Variants in DUSP11 observed in about 807,000 individuals in gnomAD.
DUSP11 encodes the protein RNA/RNP complex-1-interacting phosphatase.
In DUSP11, 27 loss-of-function variants were observed where a neutral mutation model predicts 41.4. That is an observed-to-expected ratio of 0.65 (90% confidence interval 0.48 to 0.90). The LOEUF (loss-of-function observed/expected upper bound fraction) is 0.90. DUSP11 is among the 40% of genes least tolerant of loss of function. DUSP11 has a pLI of 0.00. For synonymous variants in DUSP11, 188 were observed against 159.3 expected, an observed-to-expected ratio of 1.18 and a Z score of -1.35; for missense variants, 465 against 461.1, an observed-to-expected ratio of 1.01 and a Z score of -0.08.
At chr2:73,769,190 T>C in intron 5 of DUSP11, 75 bp downstream of exon 5, 1 of 1,340,288 alleles carries the variant, frequency 7.5e-7, no homozygotes, top group South Asian at 1.3e-5. Context: ...AGTTCCATTT[T>C]TTACAACCTT....
At chr2:73,771,211 G>A (rs1043475061) in intron 4 of DUSP11, among the ~76,000 whole-genome samples, 6 of 152,146 alleles carry the variant, frequency 3.9e-5, no homozygotes, top group Non-Finnish European at 8.8e-5. Context: ...CCACTTTCTA[G>A]AAAAGTGACT....
intron 6 of DUSP11, 88 bp from the exon 7 acceptor site, chr2:73,766,991 G>C: frequency 7.7e-7 from 1 of 1,301,542 alleles, no homozygotes; most frequent in Non-Finnish European, 1.1e-6. Context: ...CACTATTCAA[G>C]CTGTTATATC....
At chr2:73,773,639 C>T in intron 4 of DUSP11, 161 bp downstream of exon 4, 1 of 712,818 alleles carries the variant, frequency 1.4e-6, no homozygotes, top group Non-Finnish European at 2.3e-6. Flanking sequence ...TTGTGATCAA[C>T]AAAAGGAAAA....
intron 8 of DUSP11, among the ~76,000 whole-genome samples, chr2:73,764,273 A>G (rs77206015): frequency 6.6e-6 from 1 of 152,102 alleles, no homozygotes; most frequent in Non-Finnish European, 1.5e-5. Flanking sequence ...ATCTTTTAAA[A>G]ATGTCAATTT....
At chr2:73,769,346 G>T in intron 4 of DUSP11, 21 bp from the exon 5 acceptor site, 1 of 1,554,340 alleles carries the variant, frequency 6.4e-7, no homozygotes, top group Admixed American at 1.7e-5. Context: ...AAAATACAGG[G>T]TTAAGTAACT....
chr2:73,777,495 G>A (rs1672708821), intron 2 of DUSP11, among the ~76,000 whole-genome samples: 1 of 152,164 alleles, frequency 6.6e-6, no homozygotes, highest in South Asian at 2.1e-4. Context: ...TTTTATGGCT[G>A]TCAAAAGCTT....
chr2:73,762,399 G>A, exon 9 of DUSP11: 2 of 262,344 alleles, frequency 7.6e-6, no homozygotes, highest in Non-Finnish European at 1.4e-5. Flanking sequence ...AATTTGCAAG[G>A]GAAGTTCTCA....
intron 4 of DUSP11, among the ~76,000 whole-genome samples, chr2:73,772,306 A>C (rs1049068179): frequency 4.6e-5 from 7 of 152,238 alleles, no homozygotes; most frequent in African/African-American, 1.7e-4. Flanking sequence ...AAGCGAGTGG[A>C]GAGTGTAGTG....
intron 2 of DUSP11, among the ~76,000 whole-genome samples, chr2:73,776,377 T>G (rs892942055): frequency 2.2e-5 from 3 of 137,748 alleles, no homozygotes; most frequent in African/African-American, 8.2e-5. Context: ...ATCACACCAC[T>G]GCACTCCAGC....
At chr2:73,769,495 A>G (rs1053148455) in intron 4 of DUSP11, among the ~76,000 whole-genome samples, 170 bp from the exon 5 acceptor site, 1 of 152,244 alleles carries the variant, frequency 6.6e-6, no homozygotes, top group Non-Finnish European at 1.5e-5. Flanking sequence ...GAAACTTTGC[A>G]TAGTCCCAAT....
intron 8 of DUSP11, among the ~76,000 whole-genome samples, chr2:73,764,828 G>A (rs370716682): frequency 3.3e-5 from 5 of 152,150 alleles, no homozygotes; most frequent in Non-Finnish European, 5.9e-5. Context: ...TTAGCTGGGC[G>A]TGGTGGCAGT....
chr2:73,771,408 T>C (rs1027718219), intron 4 of DUSP11, among the ~76,000 whole-genome samples: 8 of 152,204 alleles, frequency 5.3e-5, no homozygotes, highest in Non-Finnish European at 7.3e-5. Flanking sequence ...GCAGCTCGAA[T>C]GTTGTCTCCT....
chr2:73,776,926 C>T (rs532051021), intron 2 of DUSP11, among the ~76,000 whole-genome samples: 1 of 152,254 alleles, frequency 6.6e-6, no homozygotes, highest in South Asian at 2.1e-4. Flanking sequence ...TAACATGTAT[C>T]CACCCTTAGA....
Position 73,766,575 on chromosome 2 carries a change from G to A in DUSP11, c.778C>T (p.Pro260Ser), listed in dbSNP as rs540308027. 18 of 1,608,326 alleles carry A rather than the reference G, an allele frequency of 1.1e-5. 1 individual carries two copies. The South Asian group carries it at 1.9e-4, about 17-fold the overall frequency. ...GAGTCTTCAAAATCACTTGACCTGG[G>A]TACACTGGAATTCCAATTCCTTAAA... The change falls in exon 8 of 9, where the codon CCC (proline) becomes TCC (serine). Residue 260 changes from proline to serine, a missense_variant. Coordinates refer to ENST00000272444, the Ensembl canonical transcript of DUSP11.
intron 3 of DUSP11, 27 bp from the exon 4 acceptor site, chr2:73,773,950 G>A (rs1450037466): frequency 2.2e-5 from 34 of 1,525,298 alleles, no homozygotes; most frequent in Non-Finnish European, 2.3e-5. Flanking sequence ...TAAAAGATGT[G>A]TATTATTTCA....
intron 5 of DUSP11, chr2:73,767,449 TTAA>T (rs1422595723): frequency 2.8e-6 from 1 of 354,714 alleles, no homozygotes; most frequent in East Asian, 4.6e-5. Context: ...TTAATGTAAT[TTAA>T]TAAACAAAAG....
At chr2:73,762,941 A>C (rs1291502006) in intron 8 of DUSP11, 82 bp from the exon 9 acceptor site, 16 of 558,656 alleles carry the variant, frequency 2.9e-5, no homozygotes, top group Non-Finnish European at 4.1e-5. Flanking sequence ...TATTTTCATA[A>C]AATATTTTAA....
rs367936502 is a variant in DUSP11, at chr2:73,765,359, A to G, written c.935+1059T>C. Among the ~76,000 whole-genome samples, 20 of 152,334 alleles carry G rather than the reference A, an allele frequency of 1.3e-4. No individual in the cohort carries two copies. In the South Asian group the frequency reaches 2.7e-3, roughly 21 times the overall value. ...ATACCAGTGTCCTCCAACCCTTACC[A>G]GATTCCCAGGCCTTCAGCCTTGGAT... On this transcript the variant is annotated intron_variant, in intron 8 of 8. Transcript: ENST00000272444.
exon 5 of DUSP11, chr2:73,769,299 G>C (rs1240908836): frequency 6.2e-7 from 1 of 1,613,314 alleles, no homozygotes; most frequent in Admixed American, 1.7e-5. Context: ...TTTAAACCAT[G>C]GGTACAGTGG....
Sources: gnomAD v4.1 joint callset for allele counts (sites outside exome capture counted in the v4.1 genomes callset) on GRCh38, gnomAD v4.1.1 for gene constraint, MANE v1.5 for transcripts, NCBI Gene and HGNC (gene_info 2026-07-23, HGNC 2026-07-21) for gene names.